SLC23A2: variants seen among roughly 807,000 people sequenced by gnomAD.
SLC23A2 encodes Na(+)/L-ascorbic acid transporter 2.
Under a neutral mutation model 73.3 loss-of-function variants are expected in SLC23A2, and 36 were observed. The ratio of observed to expected loss-of-function variants is 0.49; its 90% CI spans 0.38 to 0.65. The LOEUF (loss-of-function observed/expected upper bound fraction) is 0.65, where lower values mean the gene tolerates loss of function less well. Among genes scored for constraint, SLC23A2 ranks in the 30% least tolerant of loss-of-function variants. SLC23A2 has a pLI of 0.00. For synonymous variants in SLC23A2, 343 were observed against 327.3 expected, an observed-to-expected ratio of 1.05 and a Z score of -0.52; for missense variants, 507 against 841.6, an observed-to-expected ratio of 0.60 and a Z score of 4.92.
intron 2 of SLC23A2, among the ~76,000 whole-genome samples, chr20:4,955,151 G>C (rs1473988669): frequency 1.3e-5 from 2 of 152,006 alleles, no homozygotes; most frequent in African/African-American, 4.8e-5. Context: ...TACTGGGAAG[G>C]CTGAGGTAGG....
intron 3 of SLC23A2, among the ~76,000 whole-genome samples, chr20:4,931,068 GAA>G (rs758041566): frequency 0.045 from 3,348 of 74,812 alleles, 26 homozygotes; most frequent in South Asian, 0.12. Context: ...ATTTTTTTAA[GAA>G]AAAAAAAAAA....
At chr20:4,906,080 A>G (rs369126425) in intron 4 of SLC23A2, among the ~76,000 whole-genome samples, 2 of 152,180 alleles carry the variant, frequency 1.3e-5, no homozygotes, top group South Asian at 2.1e-4. Flanking sequence ...GCTCATGTCT[A>G]TAATTCCAGC....
At chr20:4,979,431 A>G (rs1412971023) in intron 1 of SLC23A2, among the ~76,000 whole-genome samples, 3 of 152,084 alleles carry the variant, frequency 2.0e-5, no homozygotes, top group African/African-American at 7.2e-5. Context: ...TGGGGCCAGC[A>G]TGGTGGCTCA....
At chr20:4,967,049 G>C (rs753099384) in intron 2 of SLC23A2, among the ~76,000 whole-genome samples, 2 of 152,144 alleles carry the variant, frequency 1.3e-5, no homozygotes, top group Non-Finnish European at 2.9e-5. Flanking sequence ...GTGCTAACGA[G>C]AAGCACAAGA....
chr20:4,988,085 G>A (rs1046932261), intron 1 of SLC23A2, among the ~76,000 whole-genome samples: 19 of 151,012 alleles, frequency 1.3e-4, no homozygotes, highest in African/African-American at 4.6e-4. Flanking sequence ...GATCACTCAA[G>A]GTCAGCAGTT....
At chr20:4,969,108 C>CA (rs1178764665) in intron 2 of SLC23A2, among the ~76,000 whole-genome samples, 2 of 125,524 alleles carry the variant, frequency 1.6e-5, no homozygotes, top group Admixed American at 8.8e-5. Flanking sequence ...TGTTTTGAGA[C>CA]AGAGTTTCCC....
At chr20:4,920,896 T>C (rs1932481848) in intron 3 of SLC23A2, among the ~76,000 whole-genome samples, 2 of 152,196 alleles carry the variant, frequency 1.3e-5, no homozygotes, top group Non-Finnish European at 2.9e-5. Flanking sequence ...TTCTCTGTAA[T>C]TGTTCTGTAT....
chr20:4,863,115 C>T lies in SLC23A2; in HGVS notation c.1357-208G>A, dbSNP rs1476075727. On this transcript the variant is annotated intron_variant, in intron 13 of 16. Transcript: ENST00000338244. This position sits in a 1 kb window ranked among gnomAD's most constrained non-coding sequence, Gnocchi z 4.8. ...TTGGTGACACTCCCTGCACTCAGGC[C>T]TCAGGGCTCTACTGCCCTGGCACAG... 6.6e-6 allele frequency among the ~76,000 whole-genome samples: 1 copy of T among 152,162 alleles called. No homozygotes were observed. Among genetic ancestry groups the T allele is most frequent in the Non-Finnish European group, 1.5e-5 (1 of 68,018 alleles).
chr20:5,003,984 G>A (rs2088162690), upstream of SLC23A2, among the ~76,000 whole-genome samples: 1 of 151,944 alleles, frequency 6.6e-6, no homozygotes, highest in African/African-American at 2.4e-5. Flanking sequence ...TCTCAGTGAT[G>A]TGAGTTTCTC....
intron 2 of SLC23A2, among the ~76,000 whole-genome samples, chr20:4,935,660 G>T (rs541515604): frequency 6.6e-6 from 1 of 152,046 alleles, no homozygotes; most frequent in African/African-American, 2.4e-5. Flanking sequence ...TTAGCCGGGC[G>T]TGGTGGCGGG....
chr20:4,884,895 A>G, intron 7 of SLC23A2, 72 bp from the exon 8 acceptor site: 1 of 888,594 alleles, frequency 1.1e-6, no homozygotes, highest in Non-Finnish European at 1.7e-6. Flanking sequence ...TTTACCTTTT[A>G]AGAAGAATTT....
intron 10 of SLC23A2, among the ~76,000 whole-genome samples, chr20:4,874,342 TACTC>T (rs1930572181): frequency 6.6e-6 from 1 of 152,320 alleles, no homozygotes; most frequent in South Asian, 2.1e-4. Flanking sequence ...AGTCAAATCT[TACTC>T]AGTCCCAAGG....
intron 12 of SLC23A2, 41 bp downstream of exon 12, chr20:4,869,865 G>C: frequency 6.3e-7 from 1 of 1,582,540 alleles, no homozygotes; most frequent in African/African-American, 1.3e-5. Context: ...AAGTAACAAG[G>C]TGCTGGGACC....
upstream of SLC23A2, among the ~76,000 whole-genome samples, chr20:5,004,731 G>A (rs985823689): frequency 1.3e-5 from 2 of 152,132 alleles, no homozygotes; most frequent in African/African-American, 2.4e-5. Context: ...CGGGTGCGGT[G>A]GCTCACGCCT....
intron 12 of SLC23A2, among the ~76,000 whole-genome samples, chr20:4,869,410 A>T (rs1478123069): frequency 6.6e-6 from 1 of 151,418 alleles, no homozygotes; most frequent in African/African-American, 2.4e-5. Flanking sequence ...TTGTGTAAAA[A>T]AAAAAAAAAA....
chr20:4,935,537 G>A (rs1349973821), intron 2 of SLC23A2, among the ~76,000 whole-genome samples: 1 of 152,156 alleles, frequency 6.6e-6, no homozygotes, highest in Non-Finnish European at 1.5e-5. Flanking sequence ...AGTGGTTCAC[G>A]CCTGTAATCC....
intron 2 of SLC23A2, among the ~76,000 whole-genome samples, chr20:4,953,971 T>G (rs1246690158): frequency 2.0e-5 from 3 of 152,148 alleles, no homozygotes; most frequent in Admixed American, 6.6e-5. Flanking sequence ...TGCTGCCTTA[T>G]TATTTTTTAA....
At chr20:4,963,577 G>A (rs781733860) in intron 2 of SLC23A2, among the ~76,000 whole-genome samples, 34 of 152,130 alleles carry the variant, frequency 2.2e-4, no homozygotes, top group Non-Finnish European at 4.7e-4. Context: ...ACCAGGCACG[G>A]TGGCTCACGC....
Position 4,874,007 on chromosome 20 carries a change from C to G in SLC23A2, c.1031G>C (p.Gly344Ala). 1.9e-6 allele frequency: 3 copies of G among 1,614,174 alleles called. No homozygotes were observed. Among genetic ancestry groups the G allele is most frequent in the Non-Finnish European group, 2.5e-6 (3 of 1,180,026 alleles). ...DVFPPDSTKY[G>A]FYARTDARQG... ...CCTGGCATCTGTGCGAGCATAGAAG[C>G]CATACTTTGTGCTGTCGGGAGGGAA... The change falls in exon 11 of 17, where the codon GGC (glycine) becomes GCC (alanine). Residue 344 changes from glycine (G) to alanine (A), a missense_variant. Gly to Ala is a moderately conservative substitution (Grantham distance 60). Coordinates refer to ENST00000338244, the MANE Select transcript of SLC23A2 (RefSeq NM_005116.6).
Sources: allele counts gnomAD v4.1 joint callset (sites outside exome capture counted in the v4.1 genomes callset), GRCh38; gene constraint gnomAD v4.1.1; non-coding constraint Gnocchi (gnomAD v3.1); transcripts MANE v1.5; gene names NCBI Gene and HGNC (gene_info 2026-07-23, HGNC 2026-07-21).